Variants in DOCK11 observed in about 807,000 individuals in gnomAD.
The protein encoded by DOCK11 is dedicator of cytokinesis protein 11.
In DOCK11, 70 loss-of-function variants were observed where a neutral mutation model predicts 169.1. That is an observed-to-expected ratio of 0.41 (90% CI 0.34 to 0.51). The LOEUF is 0.51. Ranked by LOEUF, DOCK11 falls within the 20% of genes least tolerant of loss-of-function variation. The probability of loss-of-function intolerance (pLI) is 0.10; values close to 1 mark genes in which losing one functional copy is unlikely to be tolerated. For synonymous variants in DOCK11, 529 were observed against 541.3 expected (o/e 0.98, Z 0.32); for missense variants, 1,166 against 1,538.8 (o/e 0.76, Z 4.05).
rs951654030 is a variant in DOCK11 at position 118,545,242 on chromosome X, CATT to C, written c.393-77_393-75del. The stretch of plus-strand genomic sequence containing the variant: ...CTCATCTTGCTTTTACTGTTGTTGT[CATT>C]ATTGTTGTGTTTTTGTGTTGTTTTT... On this transcript the variant is annotated intron_variant, in intron 4 of 52. Transcript: ENST00000276202. 3.9e-4 allele frequency: 255 copies of C among 654,414 alleles called. 1 individual carries two copies. In the East Asian group the frequency reaches 9.5e-3, roughly 24 times the overall value. 53.9% of individuals were successfully genotyped at this position (654,414 alleles called of 1,213,427 possible). A position where few individuals can be genotyped will look rare whatever the true frequency, so the allele number is the denominator to read the frequency against.
At chrX:118,648,756 A>G (rs765718222) in intron 40 of DOCK11, among the ~76,000 whole-genome samples, 189 bp from the exon 41 acceptor site, 3 of 107,435 alleles carry the variant, frequency 2.8e-5, no homozygotes, top group Non-Finnish European at 5.7e-5. Context: ...CTTAAGTTCT[A>G]TTATTATCAC....
chrX:118,500,079 C>T (rs1441775768), intron 1 of DOCK11, among the ~76,000 whole-genome samples: 5 of 107,384 alleles, frequency 4.7e-5, no homozygotes, highest in Non-Finnish European at 5.8e-5. Context: ...GACGGAATCT[C>T]CCTCTGTCGC....
At chrX:118,561,894 G>A (rs956586803) in intron 7 of DOCK11, among the ~76,000 whole-genome samples, 3 of 110,420 alleles carry the variant, frequency 2.7e-5, no homozygotes, top group Middle Eastern at 4.7e-3. Flanking sequence ...TGACTGGTGC[G>A]GTGGCTCATG....
Position 118,609,264 on chromosome X carries a change from T to C in DOCK11, c.2878-14T>C, listed in dbSNP as rs1486023342. ...TTTGGTAACCGTTAAAGATTCTCTTTCTTTTTTTTTCAGTACTCATGGTTT... is the reference window on the plus strand; with the variant it reads ...TTTGGTAACCGTTAAAGATTCTCTTCCTTTTTTTTTCAGTACTCATGGTTT... On this transcript the variant is annotated splice_polypyrimidine_tract_variant and intron_variant, in intron 26 of 52. Coordinates refer to ENST00000276202, the MANE Select transcript of DOCK11 (RefSeq NM_144658.4). 1 of 1,169,428 alleles carries C rather than the reference T, an allele frequency of 8.6e-7. No individual in the cohort carries two copies. Among genetic ancestry groups the C allele is most frequent in the Admixed American group, 2.3e-5 (1 of 43,520 alleles).
At position 118,566,520 on chromosome X, in the gene DOCK11, G is replaced by A. The variant is rs949229026; in HGVS notation, c.872-54G>A. 3.7e-6 allele frequency: 4 copies of A among 1,083,945 alleles called. No individual in the cohort carries two copies. The African/African-American group carries it at 7.3e-5, about 20-fold the overall frequency. 89.3% of individuals were successfully genotyped at this position (1,083,945 alleles called of 1,213,427 possible). A position where few individuals can be genotyped will look rare whatever the true frequency, so the allele number is the denominator to read the frequency against. ...GAGATAGTTAGGATACTCCTCTTAG[G>A]TTATTAGTAATGGTCTGTATGGTTT... On this transcript the variant is annotated intron_variant, in intron 8 of 52. Coordinates refer to ENST00000276202, the MANE Select transcript of DOCK11 (RefSeq NM_144658.4).
chrX:118,597,963 A>G (rs2014219969), intron 21 of DOCK11, 67 bp from the exon 22 acceptor site: 1 of 865,053 alleles, frequency 1.2e-6, no homozygotes, highest in Admixed American at 3.0e-5. Context: ...GTTTAAATGC[A>G]TAAAGGTATT....
chrX:118,543,645 T>C, intron 4 of DOCK11, 52 bp downstream of exon 4: 2 of 1,078,321 alleles, frequency 1.9e-6, no homozygotes, highest in Non-Finnish European at 2.6e-6. Flanking sequence ...TTAAGCTTTT[T>C]TACCTTGTTA....
At chrX:118,623,217 C>CA (rs1332479505) in intron 31 of DOCK11, among the ~76,000 whole-genome samples, 77 of 101,453 alleles carry the variant, frequency 7.6e-4, no homozygotes, top group African/African-American at 1.8e-3. Context: ...GACTCAGTCT[C>CA]AAAAAAAAAA....
chrX:118,573,000 C>T (rs780142410), intron 11 of DOCK11, among the ~76,000 whole-genome samples: 1 of 112,243 alleles, frequency 8.9e-6, no homozygotes, highest in Non-Finnish European at 1.9e-5. Flanking sequence ...CTGCTAGGCT[C>T]GGTCACTATT....
chrX:118,553,252 G>T (rs1030303303), intron 6 of DOCK11, among the ~76,000 whole-genome samples: 7 of 112,248 alleles, frequency 6.2e-5, no homozygotes, highest in African/African-American at 1.9e-4. Context: ...GGAATTTAAT[G>T]TGGGTTTAGA....
intron 13 of DOCK11, among the ~76,000 whole-genome samples, chrX:118,579,304 T>G (rs1238896187): frequency 8.9e-6 from 1 of 111,767 alleles, no homozygotes; most frequent in Non-Finnish European, 1.9e-5. Context: ...ATTCAAATGT[T>G]TGGAAATCAT....
chrX:118,574,185 CA>C (rs1252312453), intron 12 of DOCK11, among the ~76,000 whole-genome samples, 167 bp downstream of exon 12: 1 of 111,918 alleles, frequency 8.9e-6, no homozygotes, highest in Non-Finnish European at 1.9e-5. Flanking sequence ...AAATGGAAAC[CA>C]ATGAACATGC....
intron 1 of DOCK11, among the ~76,000 whole-genome samples, chrX:118,535,235 A>G (rs1814714181): frequency 8.9e-6 from 1 of 112,210 alleles, no homozygotes; most frequent in Non-Finnish European, 1.9e-5. Context: ...ATCATGGTTA[A>G]GAGCACTGGC....
chrX:118,622,381 A>G (rs1466139376), intron 31 of DOCK11, among the ~76,000 whole-genome samples: 1 of 112,405 alleles, frequency 8.9e-6, no homozygotes, highest in African/African-American at 3.2e-5. Context: ...GTATTCTATC[A>G]TATGGATATA....
intron 1 of DOCK11, among the ~76,000 whole-genome samples, chrX:118,526,700 A>G (rs1212071193): frequency 8.9e-6 from 1 of 112,492 alleles, no homozygotes; most frequent in Non-Finnish European, 1.9e-5. Context: ...TTAACAGAGG[A>G]CAGAGTGACT....
chrX:118,641,375 A>G lies in DOCK11; in HGVS notation c.4260+70A>G, dbSNP rs750018405. 9.3e-5 allele frequency: 72 copies of G among 772,104 alleles called. No homozygotes were observed. The South Asian group carries it at 1.6e-3, about 17-fold the overall frequency. 63.6% of individuals were successfully genotyped at this position (772,104 alleles called of 1,213,427 possible). Reference sequence around the variant, plus strand: ...ACATTATGCAGAAATTACCTAGTCAATGTGGGGTAGTACACTGAAAAAGGC... The same window carrying G: ...ACATTATGCAGAAATTACCTAGTCAGTGTGGGGTAGTACACTGAAAAAGGC... On this transcript the variant is annotated intron_variant, in intron 39 of 52. Transcript: ENST00000276202.
At chrX:118,516,093 CTTTTTTT>C (rs773184047) in intron 1 of DOCK11, among the ~76,000 whole-genome samples, 1 of 54,975 alleles carries the variant, frequency 1.8e-5, no homozygotes, top group South Asian at 1.1e-3. Context: ...TTTTCTTTTT[CTTTTTTT>C]TTTTTTTTTT....
intron 10 of DOCK11, among the ~76,000 whole-genome samples, chrX:118,571,784 T>C (rs1448161709): frequency 1.8e-5 from 2 of 111,934 alleles, no homozygotes; most frequent in Non-Finnish European, 3.8e-5. Flanking sequence ...GTATAGACTG[T>C]CAGGGAGTGT....
intron 1 of DOCK11, among the ~76,000 whole-genome samples, chrX:118,527,475 T>C (rs1251672095): frequency 8.9e-6 from 1 of 111,907 alleles, no homozygotes; most frequent in East Asian, 2.8e-4. Context: ...AGGTTCCTTG[T>C]AGTCAGAAAT....
Sources: gnomAD v4.1 joint callset for allele counts (sites outside exome capture counted in the v4.1 genomes callset) on GRCh38, gnomAD v4.1.1 for gene constraint, MANE v1.5 for transcripts, NCBI Gene and HGNC (gene_info 2026-07-23, HGNC 2026-07-21) for gene names.